Variants in TBC1D22A observed in about 807,000 individuals in gnomAD.
TBC1D22A encodes the protein putative GTPase activator.
In TBC1D22A, 38 loss-of-function variants were observed where a neutral mutation model predicts 60.2. That is an observed-to-expected ratio of 0.63 (90% CI 0.49 to 0.83). The LOEUF is 0.83. Ranked by LOEUF, TBC1D22A falls within the 40% of genes least tolerant of loss-of-function variation. The pLI is 0.00. For synonymous variants in TBC1D22A, 302 were observed against 281.7 expected, an observed-to-expected ratio of 1.07 and a Z score of -0.72; for missense variants, 628 against 701.0, an observed-to-expected ratio of 0.90 and a Z score of 1.18.
rs1275171401 is a variant in TBC1D22A, at chr22:46,762,674, C to A, written c.-113C>A. On this transcript the variant is annotated 5_prime_UTR_variant, in exon 1 of 13. The change creates a new upstream start codon in the 5' untranslated region. Coordinates refer to ENST00000337137, the MANE Select transcript of TBC1D22A (RefSeq NM_014346.5). The stretch of plus-strand genomic sequence containing the variant: ...CGGAAGAGCTTCTCGGCTCTAGGCT[C>A]TGGAGTCCCGGGAGCAGTGAGGGGC... The A allele has an allele frequency of 3.3e-6, 3 of 904,832 alleles. No homozygotes were observed. The allele number at this position is 904,832 out of a possible 1,614,324, so 56.1% of individuals were successfully genotyped here. A position where few individuals can be genotyped will look rare whatever the true frequency, so the allele number is the denominator to read the frequency against.
intron 11 of TBC1D22A, among the ~76,000 whole-genome samples, chr22:47,041,977 A>C (rs131884): frequency 3.3e-5 from 5 of 152,090 alleles, no homozygotes; most frequent in African/African-American, 1.2e-4. Context: ...CAGAGCAGGC[A>C]TCAGGCAAGA....
At chr22:46,809,786 C>T (rs959142577) in intron 4 of TBC1D22A, among the ~76,000 whole-genome samples, 3 of 152,100 alleles carry the variant, frequency 2.0e-5, no homozygotes, top group Non-Finnish European at 2.9e-5. Flanking sequence ...GAGCCCTGCC[C>T]GGCTGCTGTG....
chr22:47,107,754 A>C (rs1240689564), intron 11 of TBC1D22A, among the ~76,000 whole-genome samples: 1 of 152,148 alleles, frequency 6.6e-6, no homozygotes, highest in African/African-American at 2.4e-5. Flanking sequence ...AGCCTTGAAA[A>C]AGAAGAAGAC....
intron 11 of TBC1D22A, among the ~76,000 whole-genome samples, chr22:47,084,475 G>A (rs1433374558): frequency 6.6e-6 from 1 of 152,166 alleles, no homozygotes. Context: ...TGCAGGAGGC[G>A]GGGCCCAGCA....
chr22:47,022,751 A>C (rs1176494630), intron 10 of TBC1D22A, among the ~76,000 whole-genome samples: 1 of 152,206 alleles, frequency 6.6e-6, no homozygotes, highest in Non-Finnish European at 1.5e-5. Flanking sequence ...GGAAAACTTT[A>C]GAAGTCCCCG....
chr22:46,992,305 C>A (rs1020704710), intron 9 of TBC1D22A, among the ~76,000 whole-genome samples: 1 of 152,260 alleles, frequency 6.6e-6, no homozygotes, highest in African/African-American at 2.4e-5. Flanking sequence ...TGGGACGACC[C>A]GTCCGAAACG....
At chr22:46,886,053 G>T (rs184952925) in intron 5 of TBC1D22A, among the ~76,000 whole-genome samples, 5 of 151,676 alleles carry the variant, frequency 3.3e-5, no homozygotes, top group Non-Finnish European at 7.4e-5. Flanking sequence ...GACTACAGGC[G>T]CCTGCCACCA....
At chr22:47,123,929 T>C (rs1319729755) in intron 12 of TBC1D22A, among the ~76,000 whole-genome samples, 1 of 152,124 alleles carries the variant, frequency 6.6e-6, no homozygotes, top group African/African-American at 2.4e-5. Flanking sequence ...GTATTAGCTC[T>C]TTGGACCATT....
rs563820647 is a variant in TBC1D22A, at chr22:47,003,968, T to TAC, written c.1201+6264_1201+6265dup. On this transcript the variant is annotated intron_variant, in intron 10 of 12. Coordinates refer to ENST00000337137, the MANE Select transcript of TBC1D22A (RefSeq NM_014346.5). The stretch of plus-strand genomic sequence containing the variant: ...CACACCCTACGCACGCATGCCTGTA[T>TAC]ACACACCCTACGCACACATGCCTGT... Among the ~76,000 whole-genome samples the TAC allele has an allele frequency of 6.0e-4, 62 of 103,658 alleles. 1 individual carries two copies. Among genetic ancestry groups the TAC allele is most frequent in the African/African-American group, 2.3e-3 (51 of 22,384 alleles). 68.0% of individuals were successfully genotyped at this position (103,658 alleles called of 152,430 possible).
chr22:46,832,310 T>C (rs1024051312), intron 4 of TBC1D22A, among the ~76,000 whole-genome samples: 2 of 152,246 alleles, frequency 1.3e-5, no homozygotes, highest in Non-Finnish European at 2.9e-5. Context: ...CTTAATTGTG[T>C]CCCAGAAAGT....
intron 1 of TBC1D22A, among the ~76,000 whole-genome samples, chr22:46,766,739 T>C (rs1683425311): frequency 6.6e-6 from 1 of 152,052 alleles, no homozygotes; most frequent in Non-Finnish European, 1.5e-5. Flanking sequence ...GGTTTCAACA[T>C]GTTGGTGTGG....
intron 11 of TBC1D22A, among the ~76,000 whole-genome samples, chr22:47,081,002 C>G (rs541062351): frequency 1.3e-5 from 2 of 152,182 alleles, no homozygotes; most frequent in African/African-American, 4.8e-5. Flanking sequence ...TGCCTGTAAT[C>G]CCAGCTACTA....
chr22:47,160,457 C>T (rs953775843), intron 12 of TBC1D22A, among the ~76,000 whole-genome samples: 5 of 152,286 alleles, frequency 3.3e-5, no homozygotes, highest in African/African-American at 7.2e-5. Context: ...ACAGGGCCGC[C>T]GGTAGCTGAC....
chr22:46,968,362 G>A (rs1423504208), intron 8 of TBC1D22A, among the ~76,000 whole-genome samples: 2 of 152,214 alleles, frequency 1.3e-5, no homozygotes, highest in African/African-American at 2.4e-5. Flanking sequence ...CCTTACCTGC[G>A]CAGCGTGGCA....
intron 11 of TBC1D22A, among the ~76,000 whole-genome samples, chr22:47,093,988 C>T (rs1242796241): frequency 6.6e-6 from 1 of 152,124 alleles, no homozygotes; most frequent in Non-Finnish European, 1.5e-5. Flanking sequence ...CCCTGACTGA[C>T]TAAAACATAG....
intron 11 of TBC1D22A, among the ~76,000 whole-genome samples, chr22:47,090,233 G>A (rs1693404503): frequency 6.6e-6 from 1 of 152,198 alleles, no homozygotes; most frequent in Non-Finnish European, 1.5e-5. Context: ...GCTAGGAAAG[G>A]CCAGCATCCG....
chr22:46,967,319 G>A (rs1190901345), intron 8 of TBC1D22A, among the ~76,000 whole-genome samples: 4 of 152,166 alleles, frequency 2.6e-5, no homozygotes, highest in Non-Finnish European at 5.9e-5. Flanking sequence ...CTCCATCCTG[G>A]AACCCAAATG....
In TBC1D22A at chr22:46,789,384, C is replaced by T. The variant is rs185328376; in HGVS notation, c.63-3136C>T. ...TCGTGATCCGCCCGCCTCGGCCTCC[C>T]GATAAGACTGGGTTTCTGTGCTCCT... On this transcript the variant is annotated intron_variant, in intron 1 of 12. Coordinates refer to ENST00000337137, the MANE Select transcript of TBC1D22A (RefSeq NM_014346.5). 4.3e-4 allele frequency: 196 copies of T among 456,706 alleles called. 2 individuals carry two copies. The highest frequency in any genetic ancestry group is 2.8e-3 in the South Asian group (175 of 61,912). The allele number at this position is 456,706 out of a possible 1,614,324, so 28.3% of individuals were successfully genotyped here.
chr22:46,796,181 G>A (rs2084644221), intron 3 of TBC1D22A, among the ~76,000 whole-genome samples: 1 of 152,162 alleles, frequency 6.6e-6, no homozygotes. Context: ...AGCGGGGATG[G>A]GGGAGGAGAC....
Sources: gnomAD v4.1 joint callset for allele counts (sites outside exome capture counted in the v4.1 genomes callset) on GRCh38, gnomAD v4.1.1 for gene constraint, MANE v1.5 for transcripts, NCBI Gene and HGNC (gene_info 2026-07-23, HGNC 2026-07-21) for gene names.